The following UGT1A9 variants were observed in gnomAD, a reference collection of about 807,000 sequenced individuals.
The protein encoded by UGT1A9 is UDP glucuronosyltransferase family 1 member A9.
UGT1A9 carries 35 observed loss-of-function variants against 45.0 expected under a neutral mutation model. The observed-to-expected ratio is 0.78, with a 90% CI of 0.59 to 1.03. UGT1A9 has a LOEUF of 1.03. Among genes scored for constraint, UGT1A9 ranks in the 50% least tolerant of loss-of-function variants. UGT1A9 has a pLI of 0.00. For synonymous variants in UGT1A9, 278 were observed against 250.6 expected, an observed-to-expected ratio of 1.11 and a Z score of -1.03; for missense variants, 687 against 666.6, an observed-to-expected ratio of 1.03 and a Z score of -0.34.
At chr2:233,709,379 A>T (rs1314181850) in intron 1 of UGT1A9, among the ~76,000 whole-genome samples, 1 of 152,092 alleles carries the variant, frequency 6.6e-6, no homozygotes, top group Non-Finnish European at 1.5e-5. Context: ...TCCTAATCTA[A>T]ATTTCTTTTA....
chr2:233,689,773 A>T (rs1045799224), intron 1 of UGT1A9: 3 of 321,866 alleles, frequency 9.3e-6, no homozygotes, highest in Non-Finnish European at 1.8e-5. Flanking sequence ...CAACTCGGGG[A>T]CATATGTTAT....
At chr2:233,729,805 T>C (rs61740163) in intron 1 of UGT1A9, 2 of 1,611,876 alleles carry the variant, frequency 1.2e-6, no homozygotes, top group Non-Finnish European at 1.7e-6. Flanking sequence ...TTGCCATGCT[T>C]TTTCTGCTCC....
At chr2:233,689,337 G>A (rs2074938700) in intron 1 of UGT1A9, among the ~76,000 whole-genome samples, 1 of 152,224 alleles carries the variant, frequency 6.6e-6, no homozygotes, top group Admixed American at 6.5e-5. Context: ...GATTTGCAAT[G>A]GGAGAAAGGA....
chr2:233,678,821 A>G (rs1575423508), intron 1 of UGT1A9, among the ~76,000 whole-genome samples: 2 of 152,174 alleles, frequency 1.3e-5, no homozygotes, highest in East Asian at 3.9e-4. Flanking sequence ...CAAGAGTCAT[A>G]TTTTGAAATA....
chr2:233,751,877 G>T (rs567472475), intron 1 of UGT1A9, among the ~76,000 whole-genome samples: 1 of 152,132 alleles, frequency 6.6e-6, no homozygotes, highest in Admixed American at 6.5e-5. Flanking sequence ...ACCCCGTCTT[G>T]GGTATGTCTT....
chr2:233,769,226 G>A lies in UGT1A9; in HGVS notation c.1295+787G>A, dbSNP rs934586436. Among the ~76,000 whole-genome samples, 1 of 152,190 alleles carries A rather than the reference G, an allele frequency of 6.6e-6. No individual in the cohort carries two copies. The highest frequency in any genetic ancestry group is 2.4e-5 in the African/African-American group (1 of 41,452). On this transcript the variant is annotated intron_variant, in intron 4 of 4. Transcript: ENST00000354728. The surrounding 1 kb of genome is among the most constrained non-coding windows in gnomAD (Gnocchi z 4.4). ...TCACAGACAAAGTCTTAGAATAAGA[G>A]CAAAGGAAAATTTGCTCAAATGTGG...
chr2:233,713,012 TC>T, intron 1 of UGT1A9: 2 of 1,613,498 alleles, frequency 1.2e-6, no homozygotes, highest in Non-Finnish European at 1.7e-6. Flanking sequence ...GACTCCAGGT[TC>T]CCCTGCCGCA....
chr2:233,754,396 G>C (rs1026750148), intron 1 of UGT1A9: 23 of 330,472 alleles, frequency 7.0e-5, no homozygotes, highest in African/African-American at 4.7e-4. Context: ...GGTCCTATCC[G>C]TGCAGTCCCA....
At chr2:233,718,298 C>T (rs563376367) in intron 1 of UGT1A9, among the ~76,000 whole-genome samples, 1 of 152,358 alleles carries the variant, frequency 6.6e-6, no homozygotes, top group South Asian at 2.1e-4. Flanking sequence ...CCAGCCTGAA[C>T]ACTCTCTGTT....
chr2:233,755,141 C>A lies in UGT1A9; in HGVS notation c.856-11893C>A. On this transcript the variant is annotated intron_variant, in intron 1 of 4. Coordinates refer to ENST00000354728, the MANE Select transcript of UGT1A9 (RefSeq NM_021027.3). ...CCTCAGCCACCTGCTTGAATCTTCT[C>A]ACCGCTTCCTCCCTGTCCTCGGGGT... 4 of 1,309,666 alleles carry A rather than the reference C, an allele frequency of 3.1e-6. No homozygotes were observed. In the South Asian group the frequency reaches 4.6e-5, roughly 15 times the overall value. 81.1% of individuals were successfully genotyped at this position (1,309,666 alleles called of 1,614,324 possible). A position where few individuals can be genotyped will look rare whatever the true frequency, so the allele number is the denominator to read the frequency against.
chr2:233,757,535 A>AATATATATATAT (rs67292694), intron 1 of UGT1A9, among the ~76,000 whole-genome samples: 911 of 88,202 alleles, frequency 0.01, 30 homozygotes, highest in Middle Eastern at 0.029. Context: ...GCCTGTAAGG[A>AATATATATATAT]ATATATATAT....
intron 1 of UGT1A9, chr2:233,729,465 T>A (rs757398194): frequency 5.6e-6 from 9 of 1,614,038 alleles, no homozygotes; most frequent in African/African-American, 2.7e-5. Flanking sequence ...TTTTCAGAAG[T>A]ATGGCAATGT....
rs183860423 is a variant in UGT1A9 at position 233,740,220 on chromosome 2, G to A, written c.856-26814G>A. On this transcript the variant is annotated intron_variant, in intron 1 of 4. Transcript: ENST00000354728. ...TTATAAATTACCCAGTCTCAGCTGC[G>A]TCTTTATAGCAGGCTGAGAATAGAC... 6.2e-3 allele frequency among the ~76,000 whole-genome samples: 938 copies of A among 151,912 alleles called. 14 individuals are homozygous for A. The highest frequency in any genetic ancestry group is 5.9e-3 in the Non-Finnish European group (404 of 68,030).
intron 1 of UGT1A9, among the ~76,000 whole-genome samples, chr2:233,714,030 C>T (rs141549280): frequency 1.3e-5 from 2 of 152,174 alleles, no homozygotes; most frequent in African/African-American, 4.8e-5. Context: ...AATGGTAGTG[C>T]AGTTCAGGGT....
intron 1 of UGT1A9, chr2:233,682,339 A>G: frequency 6.2e-7 from 1 of 1,614,114 alleles, no homozygotes; most frequent in Non-Finnish European, 8.5e-7. Flanking sequence ...GAAAATTAGT[A>G]GAATACTTAA....
At chr2:233,693,845 A>C in intron 1 of UGT1A9, 1 of 1,614,152 alleles carries the variant, frequency 6.2e-7, no homozygotes, top group African/African-American at 1.3e-5. Flanking sequence ...CAACTGTAAG[A>C]AGAGGAAAGA....
rs28899171 is a variant in UGT1A9, at chr2:233,696,481, G to T, written c.855+23692G>T. On this transcript the variant is annotated intron_variant, in intron 1 of 4. Transcript: ENST00000354728. The stretch of plus-strand genomic sequence containing the variant: ...TTTTTGTAAGTTGATCTTGTATACT[G>T]CAACTTTACCGAATTTGCTTGTCAG... Among the ~76,000 whole-genome samples, 634 of 152,208 alleles carry T rather than the reference G, an allele frequency of 4.2e-3. 4 individuals carry two copies. Among genetic ancestry groups the T allele is most frequent in the African/African-American group, 0.015 (607 of 41,508 alleles).
At chr2:233,693,677 C>A in intron 1 of UGT1A9, 8 of 1,614,168 alleles carry the variant, frequency 5.0e-6, no homozygotes, top group Non-Finnish European at 6.8e-6. Context: ...ATTTTATTGT[C>A]TGTTTTCAAA....
intron 1 of UGT1A9, among the ~76,000 whole-genome samples, chr2:233,683,427 G>A (rs1397894608): frequency 6.6e-6 from 1 of 151,982 alleles, no homozygotes; most frequent in African/African-American, 2.4e-5. Flanking sequence ...GGGTTTATGA[G>A]CAATAATAAG....
Sources: allele counts gnomAD v4.1 joint callset (sites outside exome capture counted in the v4.1 genomes callset), GRCh38; gene constraint gnomAD v4.1.1; non-coding constraint Gnocchi (gnomAD v3.1); transcripts MANE v1.5; gene names NCBI Gene and HGNC (gene_info 2026-07-23, HGNC 2026-07-21).